TFPI: variants seen among roughly 807,000 people sequenced by gnomAD.
The protein encoded by TFPI is tissue factor pathway inhibitor.
TFPI carries 15 observed loss-of-function variants against 34.6 expected under a neutral mutation model. That is an observed-to-expected ratio of 0.43 (90% confidence interval 0.29 to 0.67). The LOEUF (loss-of-function observed/expected upper bound fraction) is 0.67, where lower values mean the gene tolerates loss of function less well. TFPI is among the 30% of genes least tolerant of loss of function. The pLI is 0.15. For synonymous variants in TFPI, 105 were observed against 120.1 expected (o/e 0.87, Z 0.82); for missense variants, 301 against 364.0 (o/e 0.83, Z 1.41).
At chr2:187,497,359 G>T (rs1685555405) in intron 2 of TFPI, among the ~76,000 whole-genome samples, 1 of 151,996 alleles carries the variant, frequency 6.6e-6, no homozygotes, top group Admixed American at 6.6e-5. Context: ...CATTCAAGTG[G>T]ATGTGTCCAC....
intron 1 of TFPI, among the ~76,000 whole-genome samples, chr2:187,552,153 T>A (rs1378611464): frequency 1.4e-3 from 4 of 2,938 alleles, no homozygotes; most frequent in African/African-American, 0.013. Context: ...TACTTTGCAT[T>A]TTTTTTCTTG....
chr2:187,522,864 C>T (rs1337275197), intron 1 of TFPI, among the ~76,000 whole-genome samples: 12 of 150,588 alleles, frequency 8.0e-5, no homozygotes, highest in Admixed American at 3.3e-4. Flanking sequence ...GCACTCCAGC[C>T]TGGGTGACAG....
chr2:187,544,103 T>A (rs572560823), intron 1 of TFPI, among the ~76,000 whole-genome samples: 1 of 152,342 alleles, frequency 6.6e-6, no homozygotes, highest in South Asian at 2.1e-4. Flanking sequence ...TGGTTTCCTA[T>A]CAGCAGCCAA....
intron 1 of TFPI, among the ~76,000 whole-genome samples, chr2:187,529,928 G>A (rs1687874992): frequency 1.3e-5 from 2 of 152,074 alleles, no homozygotes; most frequent in South Asian, 2.1e-4. Context: ...TACAGCAATC[G>A]CCAACTTCTT....
intron 1 of TFPI, among the ~76,000 whole-genome samples, chr2:187,535,507 G>A (rs1337191754): frequency 6.6e-6 from 1 of 152,086 alleles, no homozygotes; most frequent in African/African-American, 2.4e-5. Context: ...CAAAATCAAG[G>A]CAGAAATAAA....
At position 187,508,866 on chromosome 2, in the gene TFPI, C is replaced by A. The variant is rs570095880; in HGVS notation, c.-2-5096G>T. On this transcript the variant is annotated intron_variant, in intron 1 of 7. Coordinates refer to ENST00000233156, the MANE Select transcript of TFPI (RefSeq NM_006287.6). ...GAGCGGTGAGAGAGGGCATCTTTGTCTTGTACTGGCTTTCAAAGGGAATGC... is the reference window on the plus strand; with the variant it reads ...GAGCGGTGAGAGAGGGCATCTTTGTATTGTACTGGCTTTCAAAGGGAATGC... Among the ~76,000 whole-genome samples, 9 of 152,256 alleles carry A rather than the reference C, an allele frequency of 5.9e-5. No individual in the cohort carries two copies. In the South Asian group the frequency reaches 1.7e-3, roughly 28 times the overall value.
At chr2:187,553,220 T>C (rs2106341637) in intron 1 of TFPI, among the ~76,000 whole-genome samples, 1 of 152,226 alleles carries the variant, frequency 6.6e-6, no homozygotes, top group Non-Finnish European at 1.5e-5. Flanking sequence ...GTAAATATTA[T>C]GCTTTTACAC....
intron 1 of TFPI, among the ~76,000 whole-genome samples, chr2:187,507,371 G>T: frequency 6.6e-6 from 1 of 152,170 alleles, no homozygotes; most frequent in African/African-American, 2.4e-5. Flanking sequence ...ACAAACGTGT[G>T]AAAGCGTCTT....
intron 2 of TFPI, among the ~76,000 whole-genome samples, chr2:187,499,915 A>G (rs1442470672): frequency 2.6e-5 from 4 of 152,156 alleles, no homozygotes; most frequent in African/African-American, 9.7e-5. Context: ...TCTGCAGAAC[A>G]CAGGGAACTT....
At chr2:187,536,219 C>T (rs1307221566) in intron 1 of TFPI, among the ~76,000 whole-genome samples, 1 of 152,192 alleles carries the variant, frequency 6.6e-6, no homozygotes, top group Non-Finnish European at 1.5e-5. Context: ...GGGACTCCTC[C>T]CTAACTCATT....
At chr2:187,474,740 C>T (rs2105969037) in intron 6 of TFPI, among the ~76,000 whole-genome samples, 1 of 152,230 alleles carries the variant, frequency 6.6e-6, no homozygotes, top group East Asian at 1.9e-4. Context: ...AGATGTAATA[C>T]TTGTCTAACA....
chr2:187,498,082 T>C (rs1267606675), intron 2 of TFPI, among the ~76,000 whole-genome samples: 1 of 151,874 alleles, frequency 6.6e-6, no homozygotes, highest in African/African-American at 2.4e-5. Context: ...CAGTATTATA[T>C]TGAATTAAAC....
At position 187,466,130 on chromosome 2, in the gene TFPI, GA is replaced by G. The variant is rs537277195; in HGVS notation, c.*805del. The G allele has an allele frequency of 7.2e-5, 11 of 152,132 alleles. No individual in the cohort carries two copies. In the South Asian group the frequency reaches 1.0e-3, roughly 14 times the overall value. 9.4% of individuals were successfully genotyped at this position (152,132 alleles called of 1,614,324 possible). A position where few individuals can be genotyped will look rare whatever the true frequency, so the allele number is the denominator to read the frequency against. ...TAAATATTTTTGTTATTTTTAGTAA[GA>G]AAAAATATTGGGAAGCATAGTATTA... On this transcript the variant is annotated 3_prime_UTR_variant, in exon 8 of 8. Transcript: ENST00000233156.
chr2:187,524,290 A>T (rs1461686879), intron 1 of TFPI, among the ~76,000 whole-genome samples: 1 of 152,042 alleles, frequency 6.6e-6, no homozygotes, highest in African/African-American at 2.4e-5. Context: ...CTTGAATCAC[A>T]TGGCAATTCT....
At position 187,524,381 on chromosome 2, in the gene TFPI, T is replaced by G. The variant is rs577210737; in HGVS notation, c.-2-20611A>C. On this transcript the variant is annotated intron_variant, in intron 1 of 7. Transcript: ENST00000233156. ...TCCTTTCATACCAGTAATGTCTTCC[T>G]TTCTTTTTTGAATGACACTCATCAC... 2.0e-5 allele frequency among the ~76,000 whole-genome samples: 3 copies of G among 152,170 alleles called. No individual in the cohort carries two copies. In the South Asian group the frequency reaches 6.2e-4, roughly 32 times the overall value.
chr2:187,467,090 G>A (rs767801096), intron 7 of TFPI, 48 bp from the exon 8 acceptor site: 2 of 1,196,594 alleles, frequency 1.7e-6, no homozygotes, highest in Admixed American at 5.0e-5. Flanking sequence ...ATAACACAAT[G>A]AAATGTTTTA....
chr2:187,484,426 T>G (rs974317064), intron 5 of TFPI: 5 of 554,836 alleles, frequency 9.0e-6, no homozygotes, highest in Non-Finnish European at 1.6e-5. Context: ...GCGTAGCAGT[T>G]AATGTTTAAG....
chr2:187,504,685 A>G (rs2106124752), intron 1 of TFPI, among the ~76,000 whole-genome samples: 1 of 152,250 alleles, frequency 6.6e-6, no homozygotes, highest in Middle Eastern at 3.4e-3. Context: ...GAAAAATAAA[A>G]GAAGAGAACA....
chr2:187,550,515 T>C (rs1219621599), intron 1 of TFPI, among the ~76,000 whole-genome samples: 1 of 151,958 alleles, frequency 6.6e-6, no homozygotes, highest in African/African-American at 2.4e-5. Flanking sequence ...ATACAACATA[T>C]ACCAACACCC....
Sources: allele counts gnomAD v4.1 joint callset (sites outside exome capture counted in the v4.1 genomes callset), GRCh38; gene constraint gnomAD v4.1.1; transcripts MANE v1.5; gene names NCBI Gene and HGNC (gene_info 2026-07-23, HGNC 2026-07-21).